Variants in PTPRT observed in about 807,000 individuals in gnomAD.
PTPRT encodes the protein receptor-type tyrosine-protein phosphatase T.
PTPRT carries 56 observed loss-of-function variants against 176.8 expected under a neutral mutation model. The ratio of observed to expected loss-of-function variants is 0.32; its 90% CI spans 0.26 to 0.40. The LOEUF is 0.40. PTPRT is among the 10% of genes least tolerant of loss of function. The pLI, the probability that PTPRT is intolerant of heterozygous loss-of-function variation, is 1.00. For synonymous variants in PTPRT, 783 were observed against 739.0 expected, an observed-to-expected ratio of 1.06 and a Z score of -0.96; for missense variants, 1,540 against 1,908.2, an observed-to-expected ratio of 0.81 and a Z score of 3.60.
intron 7 of PTPRT, among the ~76,000 whole-genome samples, chr20:42,474,373 G>C (rs2071251156): frequency 6.6e-6 from 1 of 152,184 alleles, no homozygotes; most frequent in Non-Finnish European, 1.5e-5. Flanking sequence ...GTCCTACCAA[G>C]GAACATAGTT....
rs373055806 is a variant in PTPRT at position 42,561,136 on chromosome 20, A to G, written c.1154-88574T>C. On this transcript the variant is annotated intron_variant, in intron 7 of 30. Coordinates refer to ENST00000373187, the MANE Select transcript of PTPRT (RefSeq NM_007050.6). ...TTTGCTACATTTAAGGACTGTAACAATTGCTTTTTCTCCCTTGGAAATATA... is the reference window on the plus strand; with the variant it reads ...TTTGCTACATTTAAGGACTGTAACAGTTGCTTTTTCTCCCTTGGAAATATA... Among the ~76,000 whole-genome samples, 471 of 152,308 alleles carry G rather than the reference A, an allele frequency of 3.1e-3. 19 individuals are homozygous for G. The South Asian group carries it at 0.091, about 30-fold the overall frequency.
intron 1 of PTPRT, among the ~76,000 whole-genome samples, chr20:42,972,676 C>CAAAAAAAAAAAAAAAA (rs33947245): frequency 1.3e-5 from 1 of 77,556 alleles, no homozygotes; most frequent in African/African-American, 5.0e-5. Context: ...TCTCAAAAAG[C>CAAAAAAAAAAAAAAAA]AAAAAAAAAA....
At chr20:43,048,666 C>A (rs1986930221) in intron 1 of PTPRT, among the ~76,000 whole-genome samples, 3 of 152,044 alleles carry the variant, frequency 2.0e-5, no homozygotes, top group Admixed American at 2.0e-4. Flanking sequence ...GAATATTGGC[C>A]ATTATTTTTC....
At chr20:42,890,348 T>C (rs2079171925) in intron 1 of PTPRT, among the ~76,000 whole-genome samples, 1 of 152,178 alleles carries the variant, frequency 6.6e-6, no homozygotes, top group Non-Finnish European at 1.5e-5. Context: ...CAAGACTACA[T>C]AACCCAATAG....
At chr20:42,688,415 C>T (rs1600611322) in intron 6 of PTPRT, 1 of 152,188 alleles carries the variant, frequency 6.6e-6, no homozygotes, top group Non-Finnish European at 1.5e-5. Context: ...GGTACCATAA[C>T]CCCTCCTATT....
At chr20:42,491,004 A>T (rs981394546) in intron 7 of PTPRT, among the ~76,000 whole-genome samples, 1 of 152,202 alleles carries the variant, frequency 6.6e-6, no homozygotes, top group African/African-American at 2.4e-5. Flanking sequence ...TTCATGTATC[A>T]AATGCTTGTC....
chr20:42,423,821 G>A (rs2059140887), intron 9 of PTPRT, among the ~76,000 whole-genome samples: 3 of 152,104 alleles, frequency 2.0e-5, no homozygotes, highest in Admixed American at 2.0e-4. Context: ...CCATTAAAAT[G>A]CTAACAATGT....
At chr20:42,470,441 C>T (rs190320093) in intron 8 of PTPRT, among the ~76,000 whole-genome samples, 5 of 152,296 alleles carry the variant, frequency 3.3e-5, no homozygotes, top group Admixed American at 3.3e-4. Flanking sequence ...CCTCACTCCC[C>T]TCCCAGTCTC....
chr20:42,569,400 TG>T (rs1313907308), intron 7 of PTPRT, among the ~76,000 whole-genome samples: 1 of 152,012 alleles, frequency 6.6e-6, no homozygotes, highest in Non-Finnish European at 1.5e-5. Context: ...ACGCAGTAGC[TG>T]CATAATAAAT....
chr20:42,263,705 C>T (rs1473690407), intron 13 of PTPRT, among the ~76,000 whole-genome samples: 12 of 144,166 alleles, frequency 8.3e-5, no homozygotes, highest in South Asian at 2.2e-4. Flanking sequence ...ACTTTACTTT[C>T]GTAGAGACAT....
At chr20:43,159,075 T>A (rs2014609882) in intron 1 of PTPRT, among the ~76,000 whole-genome samples, 1 of 151,822 alleles carries the variant, frequency 6.6e-6, no homozygotes, top group Non-Finnish European at 1.5e-5. Flanking sequence ...AGAGGCCAAG[T>A]GATAAAGAGA....
rs1983147044 is a variant in PTPRT at position 42,079,904 on chromosome 20, G to A, written c.*975C>T. ...AAGGCCCGAGAGATTTGTCTTAGAG[G>A]TACATACTCAAACTCCCCCGCCCCC... On this transcript the variant is annotated 3_prime_UTR_variant, in exon 31 of 31. Coordinates refer to ENST00000373187, the MANE Select transcript of PTPRT (RefSeq NM_007050.6). 2 of 232,328 alleles carry A rather than the reference G, an allele frequency of 8.6e-6. No homozygotes were observed. The highest frequency in any genetic ancestry group is 5.6e-5 in the Admixed American group (1 of 17,742). 14.4% of individuals were successfully genotyped at this position (232,328 alleles called of 1,614,324 possible). A position where few individuals can be genotyped will look rare whatever the true frequency, so the allele number is the denominator to read the frequency against.
chr20:43,173,063 G>A (rs770413987), intron 1 of PTPRT, among the ~76,000 whole-genome samples: 4 of 151,904 alleles, frequency 2.6e-5, no homozygotes, highest in Non-Finnish European at 5.9e-5. Context: ...GTAGAGACGG[G>A]GGTTTCTCCA....
intron 13 of PTPRT, among the ~76,000 whole-genome samples, chr20:42,255,421 G>C (rs2056621267): frequency 6.6e-6 from 1 of 152,174 alleles, no homozygotes; most frequent in Non-Finnish European, 1.5e-5. Flanking sequence ...CTTAGCACTG[G>C]ATCCAGGGTA....
chr20:42,863,980 G>A (rs185781412), intron 2 of PTPRT, among the ~76,000 whole-genome samples: 150 of 152,304 alleles, frequency 9.8e-4, no homozygotes, highest in Middle Eastern at 3.4e-3. Context: ...TCAGGAAGTC[G>A]CTCCAGCTAC....
chr20:42,203,813 C>T (rs2055383351), intron 15 of PTPRT, among the ~76,000 whole-genome samples: 2 of 152,192 alleles, frequency 1.3e-5, no homozygotes, highest in South Asian at 4.1e-4. Context: ...TATGTAAGAG[C>T]TAGAACCTGG....
intron 1 of PTPRT, among the ~76,000 whole-genome samples, chr20:42,929,867 G>A (rs1979723773): frequency 6.6e-6 from 1 of 152,224 alleles, no homozygotes; most frequent in African/African-American, 2.4e-5. Flanking sequence ...ATGACAATGT[G>A]TTAGCAAACA....
chr20:42,136,501 C>G (rs1988386513), intron 18 of PTPRT, among the ~76,000 whole-genome samples: 1 of 152,056 alleles, frequency 6.6e-6, no homozygotes, highest in Admixed American at 6.5e-5. Context: ...ATTCTGTGTA[C>G]CTCCTTGTCC....
chr20:42,671,662 A>G (rs926824697), intron 7 of PTPRT, among the ~76,000 whole-genome samples: 4 of 152,222 alleles, frequency 2.6e-5, no homozygotes, highest in African/African-American at 9.7e-5. Flanking sequence ...TAACAATAGC[A>G]GCAACCAATA....
Sources: allele counts gnomAD v4.1 joint callset (sites outside exome capture counted in the v4.1 genomes callset), GRCh38; gene constraint gnomAD v4.1.1; transcripts MANE v1.5; gene names NCBI Gene and HGNC (gene_info 2026-07-23, HGNC 2026-07-21).